Variants in PIK3R4 observed in about 807,000 individuals in gnomAD.
The protein encoded by PIK3R4 is phosphoinositide 3-kinase regulatory subunit 4.
A neutral mutation model predicts 136.5 loss-of-function variants in PIK3R4; 46 were observed. The observed-to-expected ratio is 0.34, with a 90% confidence interval of 0.27 to 0.43. The LOEUF (loss-of-function observed/expected upper bound fraction) is 0.43, where lower values mean the gene tolerates loss of function less well. Ranked by LOEUF, PIK3R4 falls within the 20% of genes least tolerant of loss-of-function variation. PIK3R4 has a pLI of 1.00. For missense variants in PIK3R4, 1,331 were observed against 1,649.5 expected (o/e 0.81, Z 3.35); for synonymous variants, 557 against 566.7 (o/e 0.98, Z 0.24).
At chr3:130,733,423 C>A in intron 4 of PIK3R4, 125 bp downstream of exon 4, 1 of 638,384 alleles carries the variant, frequency 1.6e-6, no homozygotes, top group South Asian at 2.0e-5. Flanking sequence ...TCAAAATGTA[C>A]ACAAATAGTT....
At chr3:130,686,971 C>A (rs1443968011) in intron 14 of PIK3R4, among the ~76,000 whole-genome samples, 1 of 152,048 alleles carries the variant, frequency 6.6e-6, no homozygotes, top group Non-Finnish European at 1.5e-5. Context: ...AGTGATGTGC[C>A]CTTCTCAGTG....
At chr3:130,728,331 T>C (rs978903747) in intron 6 of PIK3R4, 132 bp downstream of exon 6, 16 of 639,884 alleles carry the variant, frequency 2.5e-5, no homozygotes, top group Middle Eastern at 4.3e-4. Flanking sequence ...AAAAGCAGCA[T>C]GAAGACAGAA....
chr3:130,724,134 T>C (rs2066718919), intron 6 of PIK3R4, among the ~76,000 whole-genome samples: 1 of 152,062 alleles, frequency 6.6e-6, no homozygotes, highest in Admixed American at 6.5e-5. Context: ...TTCAAGAATG[T>C]CATCAAGAAG....
intron 13 of PIK3R4, among the ~76,000 whole-genome samples, chr3:130,702,372 A>T (rs1013305266): frequency 1.3e-5 from 2 of 152,196 alleles, no homozygotes; most frequent in African/African-American, 4.8e-5. Flanking sequence ...TTCTTTTTAA[A>T]TTATGTTCTG....
At chr3:130,727,415 G>T (rs1296932796) in intron 6 of PIK3R4, among the ~76,000 whole-genome samples, 2 of 152,096 alleles carry the variant, frequency 1.3e-5, no homozygotes, top group Non-Finnish European at 2.9e-5. Flanking sequence ...AGTAGAGACG[G>T]GGTTTCACCG....
chr3:130,718,637 A>G, intron 7 of PIK3R4, 103 bp from the exon 8 acceptor site: 1 of 1,093,506 alleles, frequency 9.1e-7, no homozygotes, highest in Non-Finnish European at 1.3e-6. Context: ...ATTTTGCCAC[A>G]GTGTTACTAT....
In PIK3R4 at chr3:130,680,596, T is replaced by C; in HGVS notation, c.3906+17A>G. 1.5e-6 allele frequency: 2 copies of C among 1,379,060 alleles called. No homozygotes were observed. The highest frequency in any genetic ancestry group is 1.0e-6 in the Non-Finnish European group (1 of 976,574). 85.4% of individuals were successfully genotyped at this position (1,379,060 alleles called of 1,614,324 possible). ...TTGTGCTTACAAAAGGTGAAAGGAA[T>C]GAAAAGACTACAGTACCTGGACAAC... On this transcript the variant is annotated intron_variant, in intron 19 of 19. Transcript: ENST00000356763.
At chr3:130,730,136 A>T (rs868283341) in intron 5 of PIK3R4, among the ~76,000 whole-genome samples, 172 bp downstream of exon 5, 1 of 152,220 alleles carries the variant, frequency 6.6e-6, no homozygotes, top group Non-Finnish European at 1.5e-5. Context: ...TTTGAGCAAG[A>T]TAACAGTATA....
chr3:130,679,373 G>C lies in PIK3R4; in HGVS notation c.4019C>G (p.Thr1340Ser). 1 of 1,613,354 alleles carries C rather than the reference G, an allele frequency of 6.2e-7. No individual in the cohort carries two copies. Among genetic ancestry groups the C allele is most frequent in the Non-Finnish European group, 8.5e-7 (1 of 1,179,436 alleles). The change falls in exon 20 of 20, where the codon ACC becomes AGC. Residue 1340 changes from threonine to serine, a missense_variant. Physicochemically the swap from Thr to Ser is moderately conservative, Grantham distance 58 (BLOSUM62 1). Coordinates refer to ENST00000356763, the MANE Select transcript of PIK3R4 (RefSeq NM_014602.3). ...DIITDVATFQ[T>S]TQGFIVTASR... ...AGCAGTTACGATGAAGCCCTGTGTG[G>C]TCTGGAATGTGGCGACATCAGTGAT...
chr3:130,708,646 TAAC>T (rs2066618379), intron 9 of PIK3R4, among the ~76,000 whole-genome samples, 154 bp from the exon 10 acceptor site: 2 of 152,108 alleles, frequency 1.3e-5, no homozygotes, highest in Admixed American at 1.3e-4. Flanking sequence ...AAAATAAAGT[TAAC>T]AATACAGAAT....
At chr3:130,715,212 C>T (rs2066657215) in intron 9 of PIK3R4, among the ~76,000 whole-genome samples, 2 of 151,360 alleles carry the variant, frequency 1.3e-5, no homozygotes, top group South Asian at 4.2e-4. Flanking sequence ...CAACCTCTGC[C>T]TCCCAGGTTC....
chr3:130,682,762 A>G (rs1464427399), intron 16 of PIK3R4, among the ~76,000 whole-genome samples: 3 of 152,166 alleles, frequency 2.0e-5, no homozygotes, highest in Non-Finnish European at 4.4e-5. Context: ...AAACAATTTT[A>G]TTTGAAAATA....
chr3:130,743,742 C>G (rs540985686), intron 2 of PIK3R4, among the ~76,000 whole-genome samples: 2 of 152,204 alleles, frequency 1.3e-5, no homozygotes, highest in African/African-American at 4.8e-5. Flanking sequence ...TCACAATCAT[C>G]TTACCTGGAC....
At chr3:130,726,536 G>C (rs545726042) in intron 6 of PIK3R4, among the ~76,000 whole-genome samples, 27 of 152,222 alleles carry the variant, frequency 1.8e-4, no homozygotes, top group African/African-American at 6.0e-4. Context: ...CACAATGCCT[G>C]CTCTTAACGA....
chr3:130,689,527 A>T (rs968812533), intron 14 of PIK3R4, among the ~76,000 whole-genome samples: 3 of 152,240 alleles, frequency 2.0e-5, no homozygotes, highest in Non-Finnish European at 4.4e-5. Context: ...TTTAAATGCA[A>T]AAAGCAAAAC....
rs772091076 is a variant in PIK3R4 at position 130,730,363 on chromosome 3, G to T, written c.1530C>A (p.Asp510Glu). 6.3e-6 allele frequency: 10 copies of T among 1,599,132 alleles called. No homozygotes were observed. In the East Asian group the frequency reaches 2.0e-4, roughly 33 times the overall value. The change falls in exon 5 of 20, where the codon GAC becomes GAA. Residue 510 changes from aspartate (D) to glutamate (E), a missense_variant. Around this residue, in one of 2 missense-constraint regions of PIK3R4, gnomAD observed 1,180 missense variants for 1,407.0 expected, o/e 0.84. Coordinates refer to ENST00000356763, the MANE Select transcript of PIK3R4 (RefSeq NM_014602.3). ...CCTCATCTATTTCTTCATTATTGGGGTCATTTTCCATATTAAGATTTTTTA... is the reference window on the plus strand; with the variant it reads ...CCTCATCTATTTCTTCATTATTGGGTTCATTTTCCATATTAAGATTTTTTA... The part of the protein sequence containing the change: ...VQLKNLNMEN[D>E]PNNEEIDEVT...
In PIK3R4 at chr3:130,734,070, G is replaced by C; in HGVS notation, c.928C>G (p.Gln310Glu). The change falls in exon 4 of 20, where the codon CAG (glutamine) becomes GAG (glutamate). Residue 310 changes from glutamine to glutamate, a missense_variant. Gln to Glu is a conservative substitution (Grantham distance 29). Around this residue, in one of 2 missense-constraint regions of PIK3R4, gnomAD observed 1,180 missense variants for 1,407.0 expected, o/e 0.84. Transcript: ENST00000356763. ...TCAGGAAAGGCATTGCCACGCTGCT[G>C]TTTTAAGTAATCTTCTGCCTCTAAA... is the stretch of plus-strand genomic sequence containing the variant. ...KRLEAEDYLK[Q>E]QRGNAFPEIF... The C allele has an allele frequency of 6.2e-7, 1 of 1,614,090 alleles. No homozygotes were observed. Among genetic ancestry groups the C allele is most frequent in the Non-Finnish European group, 8.5e-7 (1 of 1,179,972 alleles).
Position 130,718,554 on chromosome 3 carries a change from G to A in PIK3R4, c.1982-20C>T, listed in dbSNP as rs1167838858. 8.7e-6 allele frequency: 14 copies of A among 1,612,604 alleles called. No individual in the cohort carries two copies. The East Asian group carries it at 2.5e-4, about 28-fold the overall frequency. The stretch of plus-strand genomic sequence containing the variant: ...AGGGGGCTAAAGAGGAAAAGAAAAG[G>A]TAGGGATCAAATAAGTTATTTCAAA... On this transcript the variant is annotated intron_variant, in intron 7 of 19. Coordinates refer to ENST00000356763, the MANE Select transcript of PIK3R4 (RefSeq NM_014602.3).
chr3:130,730,717 A>C (rs1273650379), intron 4 of PIK3R4, among the ~76,000 whole-genome samples: 3 of 151,982 alleles, frequency 2.0e-5, no homozygotes, highest in East Asian at 1.9e-4. Context: ...AAAAAAAAAA[A>C]AAAGCCTAAT....
Sources: gnomAD v4.1 joint callset for allele counts (sites outside exome capture counted in the v4.1 genomes callset) on GRCh38, gnomAD v4.1.1 for gene constraint, gnomAD v4.1.1 regional missense constraint, MANE v1.5 for transcripts, NCBI Gene and HGNC (gene_info 2026-07-23, HGNC 2026-07-21) for gene names.